Variants in SLC25A21 observed in about 807,000 individuals in gnomAD.
SLC25A21 encodes mitochondrial 2-oxodicarboxylate carrier.
Under a neutral mutation model 43.8 loss-of-function variants are expected in SLC25A21, and 47 were observed. The ratio of observed to expected loss-of-function variants is 1.07; its 90% CI spans 0.85 to 1.37. The LOEUF is 1.37. SLC25A21 is among the 40% of genes most tolerant of loss of function. The pLI is 0.00. For missense variants in SLC25A21, 352 were observed against 350.2 expected, an observed-to-expected ratio of 1.00 and a Z score of -0.04; for synonymous variants, 131 against 121.3, an observed-to-expected ratio of 1.08 and a Z score of -0.52.
intron 1 of SLC25A21, among the ~76,000 whole-genome samples, chr14:37,076,026 A>C (rs1962274125): frequency 6.6e-6 from 1 of 152,242 alleles, no homozygotes; most frequent in Non-Finnish European, 1.5e-5. Context: ...TGCTTCCCCG[A>C]GCTAGCAAAC....
intron 1 of SLC25A21, among the ~76,000 whole-genome samples, chr14:37,089,781 T>C (rs764758316): frequency 1.9e-4 from 29 of 152,216 alleles, no homozygotes; most frequent in Non-Finnish European, 3.2e-4. Flanking sequence ...ATGGAGTAAA[T>C]GAAAACATTC....
At chr14:36,957,063 A>G (rs143344205) in intron 1 of SLC25A21, among the ~76,000 whole-genome samples, 2 of 152,322 alleles carry the variant, frequency 1.3e-5, no homozygotes, top group East Asian at 1.9e-4. Context: ...TTTGTTGCCA[A>G]AGTGTATTTG....
intron 2 of SLC25A21, among the ~76,000 whole-genome samples, chr14:36,843,847 T>A (rs2138503471): frequency 6.6e-6 from 1 of 152,348 alleles, no homozygotes; most frequent in South Asian, 2.1e-4. Context: ...GTTTTTTGCA[T>A]CCAGTGCAAC....
At chr14:37,012,803 G>C (rs17767517) in intron 1 of SLC25A21, among the ~76,000 whole-genome samples, 2,990 of 152,180 alleles carry the variant, frequency 0.02, 58 homozygotes, top group East Asian at 0.091. Context: ...CTTGAAGTTA[G>C]AAGAATCACC....
At chr14:36,779,587 G>T (rs1263111652) in intron 3 of SLC25A21, among the ~76,000 whole-genome samples, 3 of 123,886 alleles carry the variant, frequency 2.4e-5, no homozygotes, top group Non-Finnish European at 5.2e-5. Context: ...TCTTTTAAAA[G>T]AAAGGAATGT....
At chr14:36,894,617 CA>C (rs1340880343) in intron 1 of SLC25A21, among the ~76,000 whole-genome samples, 3 of 151,954 alleles carry the variant, frequency 2.0e-5, no homozygotes, top group African/African-American at 7.3e-5. Flanking sequence ...TGTCTTGTGC[CA>C]GTTTTCAAAG....
chr14:36,990,528 A>C (rs1960239741), intron 1 of SLC25A21, among the ~76,000 whole-genome samples: 1 of 152,186 alleles, frequency 6.6e-6, no homozygotes, highest in Admixed American at 6.5e-5. Flanking sequence ...CCCTAAAAAA[A>C]ACCTTCACTG....
intron 1 of SLC25A21, among the ~76,000 whole-genome samples, chr14:37,128,542 G>C (rs34053350): frequency 0.013 from 1,043 of 79,228 alleles, 8 homozygotes; most frequent in South Asian, 0.041. Flanking sequence ...CTCTCTCTGT[G>C]TGTGTGTGTG....
At chr14:36,941,375 T>C (rs1025162808) in intron 1 of SLC25A21, among the ~76,000 whole-genome samples, 3 of 152,138 alleles carry the variant, frequency 2.0e-5, no homozygotes, top group African/African-American at 7.2e-5. Context: ...ACACATTGAC[T>C]TTTTTAAATA....
chr14:36,829,165 T>C (rs1244028472), intron 2 of SLC25A21, among the ~76,000 whole-genome samples: 1 of 152,140 alleles, frequency 6.6e-6, no homozygotes, highest in Non-Finnish European at 1.5e-5. Context: ...CCCAAGGTGC[T>C]GGGATTACAG....
At chr14:36,685,045 C>T (rs1882475713) in intron 7 of SLC25A21, 120 bp from the exon 8 acceptor site, 2 of 674,260 alleles carry the variant, frequency 3.0e-6, no homozygotes, top group African/African-American at 3.6e-5. Context: ...TCCTGTTATT[C>T]CAGCGGAACA....
chr14:37,060,312 A>AT (rs1411055883), intron 1 of SLC25A21, among the ~76,000 whole-genome samples: 3 of 151,210 alleles, frequency 2.0e-5, no homozygotes, highest in African/African-American at 7.3e-5. Flanking sequence ...AATTTCTATT[A>AT]TTTATAAGCC....
chr14:37,153,892 G>A (rs1214713470), intron 1 of SLC25A21, among the ~76,000 whole-genome samples: 2 of 152,096 alleles, frequency 1.3e-5, no homozygotes, highest in African/African-American at 4.8e-5. Flanking sequence ...TCCCCACCCA[G>A]CACATCACAT....
intron 7 of SLC25A21, among the ~76,000 whole-genome samples, chr14:36,705,110 T>G (rs896396581): frequency 6.6e-6 from 1 of 152,078 alleles, no homozygotes; most frequent in African/African-American, 2.4e-5. Context: ...GTGCAATCTC[T>G]GCTCACTGCA....
chr14:36,846,474 T>C (rs1889546877), intron 2 of SLC25A21, among the ~76,000 whole-genome samples: 2 of 152,060 alleles, frequency 1.3e-5, no homozygotes, highest in Admixed American at 1.3e-4. Context: ...CTCCACCTCC[T>C]GGGTTCAGGC....
At position 36,706,504 on chromosome 14, in the gene SLC25A21, C is replaced by T. The variant is rs145997094; in HGVS notation, c.603+4814G>A. Among the ~76,000 whole-genome samples the T allele has an allele frequency of 2.1e-3, 318 of 152,256 alleles. 1 individual carries two copies. The highest frequency in any genetic ancestry group is 7.5e-3 in the African/African-American group (310 of 41,536). On this transcript the variant is annotated intron_variant, in intron 7 of 9. Coordinates refer to ENST00000331299, the MANE Select transcript of SLC25A21 (RefSeq NM_030631.4). ...TTTTCCTCACAAGCCACAGGACCCA[C>T]ATCCAACCCACGGACTTAACGTCGG... is the stretch of plus-strand genomic sequence containing the variant.
chr14:36,831,574 G>A (rs1182669883), intron 2 of SLC25A21, among the ~76,000 whole-genome samples: 1 of 152,172 alleles, frequency 6.6e-6, no homozygotes, highest in Non-Finnish European at 1.5e-5. Context: ...AATTAGGGAA[G>A]AATCCTGAAT....
At chr14:36,971,864 G>T (rs1038352467) in intron 1 of SLC25A21, among the ~76,000 whole-genome samples, 1 of 152,108 alleles carries the variant, frequency 6.6e-6, no homozygotes, top group African/African-American at 2.4e-5. Context: ...GTTGGGAAAG[G>T]CAAGTCCTGA....
intron 2 of SLC25A21, among the ~76,000 whole-genome samples, chr14:36,867,403 C>G (rs1413408749): frequency 6.6e-6 from 1 of 151,948 alleles, no homozygotes; most frequent in Non-Finnish European, 1.5e-5. Flanking sequence ...TGATTATTAC[C>G]AAATACTCAC....
Sources: allele counts gnomAD v4.1 joint callset (sites outside exome capture counted in the v4.1 genomes callset), GRCh38; gene constraint gnomAD v4.1.1; transcripts MANE v1.5; gene names NCBI Gene and HGNC (gene_info 2026-07-23, HGNC 2026-07-21).